Variants in MOV10L1 observed in about 807,000 individuals in gnomAD.
The protein encoded by MOV10L1 is Mov10 like RNA helicase 1, also known as RNA helicase Mov10l1.
A neutral mutation model predicts 143.8 loss-of-function variants in MOV10L1; 110 were observed. The ratio of observed to expected loss-of-function variants is 0.76; its 90% CI spans 0.66 to 0.90. MOV10L1 has a LOEUF of 0.90. MOV10L1 is among the 40% of genes least tolerant of loss of function. The pLI is 0.00. For synonymous variants in MOV10L1, 593 were observed against 581.1 expected, an observed-to-expected ratio of 1.02 and a Z score of -0.29; for missense variants, 1,406 against 1,526.8, an observed-to-expected ratio of 0.92 and a Z score of 1.32.
rs2063549851 is a variant in MOV10L1, at chr22:50,161,118, T to C, written c.3554+63T>C. On this transcript the variant is annotated intron_variant, in intron 26 of 26. Coordinates refer to ENST00000262794, the MANE Select transcript of MOV10L1 (RefSeq NM_018995.3). ...CTCTAGAACGTGCTCTAGCCTGCCC[T>C]CCCCTGCTCCCCTCACCCCCATCCA... The C allele has an allele frequency of 2.0e-6, 3 of 1,481,474 alleles. No homozygotes were observed. In the African/African-American group the frequency reaches 4.2e-5, roughly 20 times the overall value. The allele number at this position is 1,481,474 out of a possible 1,614,324, so 91.8% of individuals were successfully genotyped here.
intron 4 of MOV10L1, 181 bp from the exon 5 acceptor site, chr22:50,108,476 G>C: frequency 1.3e-6 from 1 of 755,526 alleles, no homozygotes; most frequent in Non-Finnish European, 2.2e-6. Context: ...TTATGCAACA[G>C]TGCTAAAATG....
At chr22:50,114,647 G>A in intron 7 of MOV10L1, 25 bp downstream of exon 7, 7 of 1,610,440 alleles carry the variant, frequency 4.3e-6, no homozygotes, top group Non-Finnish European at 5.1e-6. Context: ...GGCTGTCACT[G>A]CGTGAGGTCG....
intron 15 of MOV10L1, among the ~76,000 whole-genome samples, chr22:50,135,341 T>G (rs976661897): frequency 6.6e-6 from 1 of 152,180 alleles, no homozygotes; most frequent in Non-Finnish European, 1.5e-5. Context: ...TTATATGGTT[T>G]ATGTGTACAC....
At chr22:50,115,602 A>G (rs528736102) in intron 8 of MOV10L1, among the ~76,000 whole-genome samples, 1 of 152,288 alleles carries the variant, frequency 6.6e-6, no homozygotes, top group Admixed American at 6.5e-5. Context: ...AATCCTAAGA[A>G]AAAGCATTGG....
intron 3 of MOV10L1, 84 bp downstream of exon 3, chr22:50,099,686 G>T (rs891450309): frequency 2.7e-5 from 39 of 1,465,756 alleles, no homozygotes; most frequent in Non-Finnish European, 2.9e-5. Flanking sequence ...GGTGGCTCAT[G>T]CCTATAATCC....
chr22:50,111,468 G>T (rs904093131), intron 5 of MOV10L1, among the ~76,000 whole-genome samples: 1 of 143,888 alleles, frequency 6.9e-6, no homozygotes, highest in Non-Finnish European at 1.5e-5. Context: ...GGTGAGTGGG[G>T]TCCCGACTCT....
At position 50,130,297 on chromosome 22, in the gene MOV10L1, T is replaced by G. The variant is rs188642769; in HGVS notation, c.1910+1790T>G. Among the ~76,000 whole-genome samples, 6 of 151,780 alleles carry G rather than the reference T, an allele frequency of 4.0e-5. No homozygotes were observed. In the East Asian group the frequency reaches 1.2e-3, roughly 29 times the overall value. On this transcript the variant is annotated intron_variant, in intron 13 of 26. Transcript: ENST00000262794. ...CAAAAAATAAATAAATAAATAAATT[T>G]TATATATATATGTCTTTTTATTAAC...
intron 13 of MOV10L1, among the ~76,000 whole-genome samples, chr22:50,132,371 A>G (rs1195803661): frequency 1.3e-5 from 2 of 152,108 alleles, no homozygotes; most frequent in Non-Finnish European, 2.9e-5. Context: ...ATTACATTGA[A>G]CCTATGGGTC....
At chr22:50,148,913 C>T (rs1022634717) in intron 19 of MOV10L1, among the ~76,000 whole-genome samples, 1 of 152,222 alleles carries the variant, frequency 6.6e-6, no homozygotes, top group Admixed American at 6.5e-5. Context: ...ATCCACCCAT[C>T]TCGGCCTCCC....
intron 19 of MOV10L1, 37 bp from the exon 20 acceptor site, chr22:50,149,578 T>A (rs374334737): frequency 3.1e-6 from 5 of 1,604,300 alleles, no homozygotes; most frequent in Non-Finnish European, 4.3e-6. Flanking sequence ...CTAAAACAAT[T>A]CGGCAGAAAT....
chr22:50,115,132 G>A lies in MOV10L1; in HGVS notation c.1145G>A (p.Gly382Glu), dbSNP rs1367036614. The part of the protein sequence containing the change: ...GISPGDCTCK[G>E]ENGEKDNILS... ...TTCCCAGGTGATTGTACCTGTAAAG[G>A]AGAAAATGGAGAAAAAGACAACATT... Residue 382 changes from glycine (G) to glutamate (E), a missense_variant, in exon 8 of 27, where the codon GGA (glycine) becomes GAA (glutamate). Transcript: ENST00000262794. 6.4e-7 allele frequency: 1 copy of A among 1,569,986 alleles called. No individual in the cohort carries two copies. Among genetic ancestry groups the A allele is most frequent in the Non-Finnish European group, 8.6e-7 (1 of 1,166,464 alleles).
intron 18 of MOV10L1, among the ~76,000 whole-genome samples, chr22:50,144,748 A>AT (rs1322791669): frequency 1.3e-5 from 2 of 151,362 alleles, no homozygotes; most frequent in Admixed American, 1.3e-4. Flanking sequence ...CGCCCGGCTA[A>AT]TTTTTTGTAT....
At chr22:50,144,614 C>G (rs2063088567) in intron 18 of MOV10L1, among the ~76,000 whole-genome samples, 3 of 151,392 alleles carry the variant, frequency 2.0e-5, no homozygotes, top group Non-Finnish European at 4.4e-5. Context: ...CGGAGTCTCG[C>G]TGTGTCGCCC....
intron 19 of MOV10L1, among the ~76,000 whole-genome samples, chr22:50,147,570 C>G (rs938299480): frequency 2.0e-5 from 3 of 150,690 alleles, no homozygotes; most frequent in Non-Finnish European, 4.4e-5. Context: ...GCAGGCCGCT[C>G]TCTCAGAGGC....
At chr22:50,123,167 G>A (rs2062399340) in intron 10 of MOV10L1, among the ~76,000 whole-genome samples, 1 of 138,732 alleles carries the variant, frequency 7.2e-6, no homozygotes, top group Non-Finnish European at 1.5e-5. Context: ...TTGCGCTCCA[G>A]CCTTGGTGAC....
intron 5 of MOV10L1, among the ~76,000 whole-genome samples, chr22:50,110,984 C>G (rs542667821): frequency 2.0e-5 from 3 of 152,276 alleles, no homozygotes; most frequent in African/African-American, 7.2e-5. Context: ...TCTTTGTGTG[C>G]TAGCCATGAC....
At chr22:50,090,587 G>T (rs1335842803) in intron 1 of MOV10L1, 14 of 1,531,006 alleles carry the variant, frequency 9.1e-6, no homozygotes, top group Admixed American at 3.8e-5. Context: ...GCGCCAAGGC[G>T]TGCCATTTCC....
chr22:50,126,943 C>T (rs1437003271), intron 12 of MOV10L1, among the ~76,000 whole-genome samples: 6 of 152,238 alleles, frequency 3.9e-5, no homozygotes, highest in Non-Finnish European at 8.8e-5. Flanking sequence ...CTCTGCGCTA[C>T]ACCTTCATGC....
chr22:50,134,629 A>AGGT lies in MOV10L1; in HGVS notation c.2070_2070+2dup. The AGGT allele has an allele frequency of 6.2e-7, 1 of 1,613,950 alleles. No homozygotes were observed. Among genetic ancestry groups the AGGT allele is most frequent in the South Asian group, 1.1e-5 (1 of 91,072 alleles). ...AGCAGTGGACAGTCCACCAGCAAAA[A>AGGT]GGTAGTGCTCAGCAATGTGGCTTTC... On this transcript the variant is annotated inframe_insertion and splice_region_variant, in exon 15 of 27. Coordinates refer to ENST00000262794, the MANE Select transcript of MOV10L1 (RefSeq NM_018995.3).
Sources: gnomAD v4.1 joint callset for allele counts (sites outside exome capture counted in the v4.1 genomes callset) on GRCh38, gnomAD v4.1.1 for gene constraint, MANE v1.5 for transcripts, NCBI Gene and HGNC (gene_info 2026-07-23, HGNC 2026-07-21) for gene names.